FREM3: variants seen among roughly 807,000 people sequenced by gnomAD.
FREM3 encodes the protein FRAS1-related extracellular matrix protein 3.
FREM3 carries 105 observed loss-of-function variants against 129.1 expected under a neutral mutation model. The observed-to-expected ratio is 0.81, with a 90% confidence interval of 0.69 to 0.96. The LOEUF (loss-of-function observed/expected upper bound fraction) is 0.96, where lower values mean the gene tolerates loss of function less well. Ranked by LOEUF, FREM3 falls within the 40% of genes least tolerant of loss-of-function variation. The probability of loss-of-function intolerance (pLI) is 0.00; values close to 1 mark genes in which losing one functional copy is unlikely to be tolerated. For missense variants in FREM3, 2,593 were observed against 2,666.3 expected (o/e 0.97, Z 0.61); for synonymous variants, 1,014 against 1,044.9 (o/e 0.97, Z 0.57).
In FREM3 at chr4:143,620,268, A is replaced by G. The variant is rs563595393; in HGVS notation, c.5779+769T>C. 1.9e-3 allele frequency among the ~76,000 whole-genome samples: 284 copies of G among 152,266 alleles called. 1 individual carries two copies. The highest frequency in any genetic ancestry group is 3.4e-3 in the Middle Eastern group (1 of 294). Reference sequence around the variant, plus strand: ...ACAGCTTCCAATCAGGACATACCTGATACCTTTCCTTTTTCCACTATAAAG... The same window carrying G: ...ACAGCTTCCAATCAGGACATACCTGGTACCTTTCCTTTTTCCACTATAAAG... On this transcript the variant is annotated intron_variant, in intron 5 of 7. Transcript: ENST00000329798.
At chr4:143,632,205 C>CAA (rs35349605) in intron 2 of FREM3, among the ~76,000 whole-genome samples, 13 of 151,794 alleles carry the variant, frequency 8.6e-5, no homozygotes, top group Non-Finnish European at 1.5e-4. Context: ...ACAGTGAAAT[C>CAA]AAAAAAATCC....
Position 143,617,480 on chromosome 4 carries a change from A to G in FREM3, c.5779+3557T>C, listed in dbSNP as rs1738873017. ...CCTGGAAGACAGAGGATTTGGCAGT[A>G]AACAGATAATTTAAGATATTTAAAA... On this transcript the variant is annotated intron_variant, in intron 5 of 7. Transcript: ENST00000329798. 1.3e-5 allele frequency among the ~76,000 whole-genome samples: 2 copies of G among 152,246 alleles called. 1 individual carries two copies. Among genetic ancestry groups the G allele is most frequent in the South Asian group, 4.1e-4 (2 of 4,834 alleles).
intron 3 of FREM3, among the ~76,000 whole-genome samples, chr4:143,626,981 T>C (rs1162479796): frequency 6.6e-6 from 1 of 152,174 alleles, no homozygotes; most frequent in African/African-American, 2.4e-5. Context: ...TTCTGGCAGC[T>C]AAAGATGTTA....
chr4:143,653,417 C>A (rs529295159), intron 2 of FREM3, among the ~76,000 whole-genome samples: 1 of 152,292 alleles, frequency 6.6e-6, no homozygotes, highest in African/African-American at 2.4e-5. Flanking sequence ...CCGGCAGTTC[C>A]GTGTCATGTG....
At chr4:143,590,075 G>T (rs1288845205) in intron 6 of FREM3, among the ~76,000 whole-genome samples, 3 of 151,998 alleles carry the variant, frequency 2.0e-5, no homozygotes, top group Admixed American at 6.6e-5. Context: ...TGTGATTTTT[G>T]CACATTGATT....
At chr4:143,667,766 G>T (rs1739890111) in intron 2 of FREM3, among the ~76,000 whole-genome samples, 1 of 152,210 alleles carries the variant, frequency 6.6e-6, no homozygotes, top group African/African-American at 2.4e-5. Flanking sequence ...AGGATGTCTA[G>T]CTCCTTGAAA....
chr4:143,665,935 T>C (rs1739850899), intron 2 of FREM3, among the ~76,000 whole-genome samples: 1 of 152,128 alleles, frequency 6.6e-6, no homozygotes, highest in Non-Finnish European at 1.5e-5. Flanking sequence ...AGATATTTCT[T>C]ACACTATCAA....
chr4:143,632,518 G>C (rs1205151371), intron 2 of FREM3, among the ~76,000 whole-genome samples: 1 of 152,018 alleles, frequency 6.6e-6, no homozygotes, highest in Non-Finnish European at 1.5e-5. Flanking sequence ...CATTCCCTTC[G>C]GGTGCCCTTT....
chr4:143,586,002 G>A lies in FREM3; in HGVS notation c.6029-9C>T, dbSNP rs1459059707. The A allele has an allele frequency of 1.3e-6, 2 of 1,534,836 alleles. No homozygotes were observed. Among genetic ancestry groups the A allele is most frequent in the Non-Finnish European group, 1.7e-6 (2 of 1,146,216 alleles). On this transcript the variant is annotated splice_polypyrimidine_tract_variant and intron_variant, in intron 6 of 7. Transcript: ENST00000329798. ...AAAGTGCAGGACAGGTTCTAAAGAG[G>A]CAAAAAAAGATACACTAAGAATGCT... is the stretch of plus-strand genomic sequence containing the variant.
At chr4:143,663,339 A>T (rs1289291946) in intron 2 of FREM3, among the ~76,000 whole-genome samples, 1 of 151,948 alleles carries the variant, frequency 6.6e-6, no homozygotes, top group Non-Finnish European at 1.5e-5. Flanking sequence ...TCCTTCACTT[A>T]TGAAGCTTAG....
At chr4:143,591,895 A>C (rs143453135) in intron 6 of FREM3, among the ~76,000 whole-genome samples, 50,892 of 152,062 alleles carry the variant, frequency 0.33, 10,465 homozygotes, top group Middle Eastern at 0.46. Flanking sequence ...GTAGGTCACT[A>C]AGGACTTGCT....
intron 7 of FREM3, among the ~76,000 whole-genome samples, chr4:143,581,156 C>T (rs931335354): frequency 2.6e-5 from 4 of 152,176 alleles, no homozygotes; most frequent in African/African-American, 7.2e-5. Context: ...GTTCTCCATG[C>T]GAGTCCCTGC....
intron 2 of FREM3, among the ~76,000 whole-genome samples, chr4:143,671,568 T>C (rs955568837): frequency 1.3e-5 from 2 of 152,230 alleles, no homozygotes; most frequent in Non-Finnish European, 2.9e-5. Flanking sequence ...AGAAAACTTT[T>C]GTTTTTTGAC....
chr4:143,587,057 AT>A (rs1040470590), intron 6 of FREM3, among the ~76,000 whole-genome samples: 2 of 152,194 alleles, frequency 1.3e-5, no homozygotes, highest in Admixed American at 6.5e-5. Flanking sequence ...TTCAAGATGT[AT>A]TTTAGTAGAT....
intron 2 of FREM3, among the ~76,000 whole-genome samples, chr4:143,662,528 T>C (rs935034437): frequency 2.3e-5 from 2 of 87,876 alleles, no homozygotes; most frequent in Admixed American, 2.4e-4. Context: ...AATTTTGGAA[T>C]AGGTGTGGTG....
At chr4:143,672,681 G>A (rs1740021604) in intron 2 of FREM3, among the ~76,000 whole-genome samples, 2 of 152,198 alleles carry the variant, frequency 1.3e-5, no homozygotes, top group Non-Finnish European at 2.9e-5. Flanking sequence ...ATATCCTGCA[G>A]AGTGTTTTCC....
chr4:143,684,001 G>A (rs1740307416), intron 2 of FREM3, among the ~76,000 whole-genome samples: 2 of 152,124 alleles, frequency 1.3e-5, no homozygotes, highest in African/African-American at 4.8e-5. Context: ...GCTGCTGCAA[G>A]ACCCACCCAA....
Position 143,695,624 on chromosome 4 carries a change from G to T in FREM3, c.5052C>A (p.Thr1684=). 1 of 1,537,280 alleles carries T rather than the reference G, an allele frequency of 6.5e-7. No individual in the cohort carries two copies. The highest frequency in any genetic ancestry group is 8.7e-7 in the Non-Finnish European group (1 of 1,146,928). Residue 1684 remains threonine, a synonymous_variant, in exon 1 of 8, where the codon ACC becomes ACA. Coordinates refer to ENST00000329798, the MANE Select transcript of FREM3 (RefSeq NM_001168235.2). ...LHTGHMGFLI[T]SKSLKAEDQD... ...GATCTTCTGCCTTCAGAGACTTGCT[G>T]GTAATCAGGAAGCCCATGTGTCCAG...
At chr4:143,592,642 A>C (rs1490000901) in intron 6 of FREM3, among the ~76,000 whole-genome samples, 7 of 152,176 alleles carry the variant, frequency 4.6e-5, no homozygotes, top group African/African-American at 1.7e-4. Flanking sequence ...CTTTGTGGGT[A>C]ACCCGACCTT....
Sources: allele counts gnomAD v4.1 joint callset (sites outside exome capture counted in the v4.1 genomes callset), GRCh38; gene constraint gnomAD v4.1.1; transcripts MANE v1.5; gene names NCBI Gene and HGNC (gene_info 2026-07-23, HGNC 2026-07-21).